Variants in SEC14L1 observed in about 807,000 individuals in gnomAD.
SEC14L1 encodes SEC14 like lipid binding 1, also known as SEC14-like protein 1.
SEC14L1 carries 48 observed loss-of-function variants against 85.3 expected under a neutral mutation model. That is an observed-to-expected ratio of 0.56 (90% CI 0.45 to 0.72). The LOEUF (loss-of-function observed/expected upper bound fraction) is 0.72. Ranked by LOEUF, SEC14L1 falls within the 30% of genes least tolerant of loss-of-function variation. SEC14L1 has a pLI of 0.00. For synonymous variants in SEC14L1, 391 were observed against 355.5 expected, an observed-to-expected ratio of 1.10 and a Z score of -1.12; for missense variants, 682 against 921.4, an observed-to-expected ratio of 0.74 and a Z score of 3.36.
Position 77,202,078 on chromosome 17 carries a change from A to G in SEC14L1, c.1009+1405A>G, listed in dbSNP as rs143601425. 2.8e-3 allele frequency among the ~76,000 whole-genome samples: 429 copies of G among 152,272 alleles called. 1 individual carries two copies. The highest frequency in any genetic ancestry group is 4.1e-3 in the Non-Finnish European group (278 of 68,022). ...TAGGCAGTGCTGACTCTAGGGATAC[A>G]CTATGGCCACCAAGCTCTTTTTCCC... is the stretch of plus-strand genomic sequence containing the variant. On this transcript the variant is annotated intron_variant, in intron 9 of 16. Transcript: ENST00000436233.
Position 77,215,607 on chromosome 17 carries a change from C to T in SEC14L1, c.*1584C>T, listed in dbSNP as rs1392661445. 7.1e-6 allele frequency: 7 copies of T among 988,504 alleles called. No homozygotes were observed. In the African/African-American group the frequency reaches 1.0e-4, roughly 15 times the overall value. The allele number at this position is 988,504 out of a possible 1,614,324, so 61.2% of individuals were successfully genotyped here. A position where few individuals can be genotyped will look rare whatever the true frequency, so the allele number is the denominator to read the frequency against. ...CTAGTGGCTGCCTGCACACTGTAGA[C>T]GTCCCAGGGCCTGTGCTGTGATCAC... On this transcript the variant is annotated 3_prime_UTR_variant, in exon 17 of 17. Transcript: ENST00000436233.
chr17:77,145,296 T>C (rs932253373), intron 3 of SEC14L1, among the ~76,000 whole-genome samples: 14 of 152,156 alleles, frequency 9.2e-5, no homozygotes, highest in Non-Finnish European at 5.9e-5. Flanking sequence ...ACTTGAGATA[T>C]AATTTACATA....
chr17:77,212,987 C>G (rs1181568044), intron 15 of SEC14L1, among the ~76,000 whole-genome samples: 6 of 152,218 alleles, frequency 3.9e-5, no homozygotes, highest in Non-Finnish European at 8.8e-5. Flanking sequence ...GGAAGCTGTG[C>G]TGAGCCCTCC....
chr17:77,167,069 GT>G (rs1476056776), intron 3 of SEC14L1, among the ~76,000 whole-genome samples: 30 of 151,526 alleles, frequency 2.0e-4, no homozygotes, highest in East Asian at 1.9e-4. Flanking sequence ...GGGAGTGAAT[GT>G]TGAATAAGTA....
chr17:77,130,026 T>C (rs1972566981), intron 3 of SEC14L1: 1 of 152,058 alleles, frequency 6.6e-6, no homozygotes, highest in African/African-American at 2.4e-5. Flanking sequence ...AGAAATATGA[T>C]TGGGTAGGCT....
intron 3 of SEC14L1, among the ~76,000 whole-genome samples, chr17:77,154,082 A>G (rs1306462264): frequency 1.3e-5 from 2 of 152,264 alleles, no homozygotes; most frequent in African/African-American, 4.8e-5. Context: ...AAATAATACA[A>G]CAATAAACTG....
At chr17:77,146,765 G>T (rs540307214) in intron 3 of SEC14L1, among the ~76,000 whole-genome samples, 1 of 152,098 alleles carries the variant, frequency 6.6e-6, no homozygotes, top group African/African-American at 2.4e-5. Flanking sequence ...GTAGTATAAA[G>T]AAAACATTTT....
At chr17:77,092,969 A>G (rs1034131865) in intron 2 of SEC14L1, among the ~76,000 whole-genome samples, 8 of 151,366 alleles carry the variant, frequency 5.3e-5, no homozygotes, top group Admixed American at 2.0e-4. Context: ...AAAAAAAAAA[A>G]AAAAGAAAGG....
intron 14 of SEC14L1, 27 bp downstream of exon 14, chr17:77,209,503 G>A: frequency 6.2e-7 from 1 of 1,609,980 alleles, no homozygotes; most frequent in Non-Finnish European, 8.5e-7. Flanking sequence ...CCTGCACCTG[G>A]GCCGGCCCTT....
intron 3 of SEC14L1, among the ~76,000 whole-genome samples, chr17:77,186,838 T>C (rs1473972958): frequency 1.3e-5 from 2 of 152,232 alleles, no homozygotes; most frequent in Admixed American, 1.3e-4. Context: ...GGTCTGAAGC[T>C]ACTTGTACCT....
At chr17:77,101,887 G>T (rs989331017) in intron 3 of SEC14L1, among the ~76,000 whole-genome samples, 2 of 152,114 alleles carry the variant, frequency 1.3e-5, no homozygotes, top group African/African-American at 4.8e-5. Context: ...CAACAGTCCC[G>T]TTGCGGTCAC....
At chr17:77,182,979 G>C (rs1444200810) in intron 3 of SEC14L1, among the ~76,000 whole-genome samples, 1 of 152,230 alleles carries the variant, frequency 6.6e-6, no homozygotes, top group East Asian at 1.9e-4. Context: ...GCCCCGTCCC[G>C]CTGTGCTGCG....
At position 77,212,390 on chromosome 17, in the gene SEC14L1, G is replaced by A. The variant is rs536360363; in HGVS notation, c.1863+189G>A. 7.6e-4 allele frequency among the ~76,000 whole-genome samples: 116 copies of A among 152,270 alleles called. 1 individual carries two copies. The highest frequency in any genetic ancestry group is 3.4e-3 in the Middle Eastern group (1 of 294). ...TCTCGTAGGAAGGAGTTCAGGCCTC[G>A]CAGTGGTTTTGGACAGAATCTGCGA... On this transcript the variant is annotated intron_variant, in intron 15 of 16. Coordinates refer to ENST00000436233, the MANE Select transcript of SEC14L1 (RefSeq NM_001143998.2).
chr17:77,096,889 A>AT (rs1196819886), intron 3 of SEC14L1, among the ~76,000 whole-genome samples: 1 of 152,118 alleles, frequency 6.6e-6, no homozygotes, highest in African/African-American at 2.4e-5. Flanking sequence ...TATGCAGAAG[A>AT]TTCATCTGCG....
Position 77,216,651 on chromosome 17 carries a change from C to G in SEC14L1, c.*2628C>G. 2 of 1,607,192 alleles carry G rather than the reference C, an allele frequency of 1.2e-6. No individual in the cohort carries two copies. The highest frequency in any genetic ancestry group is 1.7e-6 in the Non-Finnish European group (2 of 1,174,734). ...GTTTGAATTGCAGCCATCCCCTGCC[C>G]CCTCCCAGGCTGAAGATCTGTTCTT... On this transcript the variant is annotated 3_prime_UTR_variant, in exon 17 of 17. Coordinates refer to ENST00000436233, the MANE Select transcript of SEC14L1 (RefSeq NM_001143998.2).
chr17:77,185,652 T>A (rs1242380210), intron 3 of SEC14L1, among the ~76,000 whole-genome samples: 1 of 152,214 alleles, frequency 6.6e-6, no homozygotes, highest in Non-Finnish European at 1.5e-5. Context: ...AGTCTCAATT[T>A]CTTGGTACGT....
chr17:77,166,414 C>T (rs377585922), intron 3 of SEC14L1, among the ~76,000 whole-genome samples: 166 of 152,332 alleles, frequency 1.1e-3, no homozygotes, highest in African/African-American at 3.9e-3. Flanking sequence ...TCTGCCTCTT[C>T]TAAAGCCTGT....
At position 77,171,555 on chromosome 17, in the gene SEC14L1, A is replaced by G. The variant is rs373620428; in HGVS notation, c.64-19248A>G. 7.6e-4 allele frequency among the ~76,000 whole-genome samples: 116 copies of G among 152,314 alleles called. 1 individual carries two copies. The highest frequency in any genetic ancestry group is 2.6e-3 in the African/African-American group (109 of 41,560). ...TTCTGGCAACTATAGATTTTCTAAT[A>G]CTTGAATTATTATGTCCCTGTGGAC... is the stretch of plus-strand genomic sequence containing the variant. On this transcript the variant is annotated intron_variant, in intron 3 of 16. Transcript: ENST00000436233.
intron 3 of SEC14L1, among the ~76,000 whole-genome samples, chr17:77,131,311 C>G (rs1290241897): frequency 6.6e-6 from 1 of 152,044 alleles, no homozygotes; most frequent in African/African-American, 2.4e-5. Context: ...CTTTTGTTGC[C>G]CAGGCTGGAG....
Sources: allele counts gnomAD v4.1 joint callset (sites outside exome capture counted in the v4.1 genomes callset), GRCh38; gene constraint gnomAD v4.1.1; transcripts MANE v1.5; gene names NCBI Gene and HGNC (gene_info 2026-07-23, HGNC 2026-07-21).